Variants in CUX2 observed in about 807,000 individuals in gnomAD.
The protein encoded by CUX2 is cut like homeobox 2.
Under a neutral mutation model 144.8 loss-of-function variants are expected in CUX2, and 40 were observed. That is an observed-to-expected ratio of 0.28 (90% CI 0.21 to 0.36). The LOEUF (loss-of-function observed/expected upper bound fraction) is 0.36. Ranked by LOEUF, CUX2 falls within the 10% of genes least tolerant of loss-of-function variation. The pLI, the probability that CUX2 is intolerant of heterozygous loss-of-function variation, is 1.00. For synonymous variants in CUX2, 827 were observed against 875.6 expected (o/e 0.94, Z 0.98); for missense variants, 1,615 against 1,994.0 (o/e 0.81, Z 3.62).
At chr12:111,100,614 AGT>A (rs1403095542) in intron 1 of CUX2, among the ~76,000 whole-genome samples, 1 of 152,176 alleles carries the variant, frequency 6.6e-6, no homozygotes, top group African/African-American at 2.4e-5. Context: ...TACACCCACA[AGT>A]GTGTGAATTG....
chr12:111,279,491 T>C (rs1885021725), intron 4 of CUX2, among the ~76,000 whole-genome samples: 2 of 152,214 alleles, frequency 1.3e-5, no homozygotes, highest in Non-Finnish European at 2.9e-5. Context: ...ATTAGGTCAT[T>C]AGAGTGGCCT....
rs1888942830 is a variant in CUX2 at position 111,349,052 on chromosome 12, T to G, written c.*727T>G. 3.3e-5 allele frequency: 5 copies of G among 152,640 alleles called. No homozygotes were observed. The highest frequency in any genetic ancestry group is 3.3e-4 in the Admixed American group (5 of 15,278). The allele number at this position is 152,640 out of a possible 1,614,324, so 9.5% of individuals were successfully genotyped here. A position where few individuals can be genotyped will look rare whatever the true frequency, so the allele number is the denominator to read the frequency against. On this transcript the variant is annotated 3_prime_UTR_variant, in exon 22 of 22. Transcript: ENST00000261726. Reference sequence around the variant, plus strand: ...CAGAATGTCCGTGCCATTGTAAATGTTGTAGAGATGTGGGCCGTGGCCCAA... The same window carrying G: ...CAGAATGTCCGTGCCATTGTAAATGGTGTAGAGATGTGGGCCGTGGCCCAA...
At chr12:111,326,484 G>T (rs568580226) in intron 18 of CUX2, among the ~76,000 whole-genome samples, 1 of 151,828 alleles carries the variant, frequency 6.6e-6, no homozygotes, top group African/African-American at 2.4e-5. Context: ...ATAGTGTTGT[G>T]GTGATGGAGG....
chr12:111,343,190 A>G (rs1302872994), intron 21 of CUX2, among the ~76,000 whole-genome samples: 1 of 151,946 alleles, frequency 6.6e-6, no homozygotes, highest in Non-Finnish European at 1.5e-5. Context: ...AACCGAAAGA[A>G]AAACCCCCTG....
chr12:111,229,718 T>C (rs568138266), intron 3 of CUX2, among the ~76,000 whole-genome samples: 1 of 151,560 alleles, frequency 6.6e-6, no homozygotes, highest in South Asian at 2.1e-4. Context: ...GCTTGGTCTC[T>C]ACAAAAAAAA....
At chr12:111,116,897 G>C (rs1193136914) in intron 1 of CUX2, among the ~76,000 whole-genome samples, 2 of 152,180 alleles carry the variant, frequency 1.3e-5, no homozygotes. Flanking sequence ...TAAAGCAAGG[G>C]CACATACATT....
At chr12:111,094,847 A>G (rs900888225) in intron 1 of CUX2, among the ~76,000 whole-genome samples, 10 of 152,178 alleles carry the variant, frequency 6.6e-5, no homozygotes, top group African/African-American at 2.4e-4. Context: ...TGTTCAATGC[A>G]TGTCTGTCTT....
rs369103718 is a variant in CUX2, at chr12:111,037,516, G to A, written c.63+3276G>A. 2.6e-5 allele frequency among the ~76,000 whole-genome samples: 4 copies of A among 152,342 alleles called. No homozygotes were observed. In the East Asian group the frequency reaches 7.7e-4, roughly 29 times the overall value. On this transcript the variant is annotated intron_variant, in intron 1 of 21. Coordinates refer to ENST00000261726, the MANE Select transcript of CUX2 (RefSeq NM_015267.4). The surrounding 1 kb of genome is among the most constrained non-coding windows in gnomAD (Gnocchi z 5.4). ...TAATGACTTTGGGCCGATGGTAAAG[G>A]TGATCTGACATGTGCCACCCTACTC...
chr12:111,291,606 T>C (rs562095242), intron 5 of CUX2, 54 bp downstream of exon 5: 1 of 1,490,924 alleles, frequency 6.7e-7, no homozygotes, highest in South Asian at 1.4e-5. Context: ...GCTGCAGATC[T>C]TCAGAGCCAA....
rs1449597468 is a variant in CUX2 at position 111,035,807 on chromosome 12, T to C, written c.63+1567T>C. ...TCGGGGCACTGAGGCATGCAGTTAA[T>C]AACTGCCGAGTGCCTTGCAATTCCG... is the stretch of plus-strand genomic sequence containing the variant. On this transcript the variant is annotated intron_variant, in intron 1 of 21. Transcript: ENST00000261726. This position sits in a 1 kb window ranked among gnomAD's most constrained non-coding sequence, Gnocchi z 6.0. 6.6e-6 allele frequency among the ~76,000 whole-genome samples: 1 copy of C among 152,038 alleles called. No individual in the cohort carries two copies. Among genetic ancestry groups the C allele is most frequent in the East Asian group, 1.9e-4 (1 of 5,162 alleles).
chr12:111,076,861 A>C (rs1435976035), intron 1 of CUX2, among the ~76,000 whole-genome samples: 1 of 152,188 alleles, frequency 6.6e-6, no homozygotes, highest in East Asian at 1.9e-4. Context: ...TTAAAAAAAA[A>C]TCCTTTATTT....
chr12:111,044,040 T>C (rs1011104474), intron 1 of CUX2, among the ~76,000 whole-genome samples: 1 of 152,178 alleles, frequency 6.6e-6, no homozygotes, highest in Non-Finnish European at 1.5e-5. Flanking sequence ...GCTAACTCCA[T>C]GGTAGTCTAG....
At chr12:111,338,586 A>C (rs970784096) in intron 20 of CUX2, 112 bp downstream of exon 20, 10 of 961,228 alleles carry the variant, frequency 1.0e-5, no homozygotes, top group Non-Finnish European at 1.5e-5. Flanking sequence ...GTCTCAGCCT[A>C]CTATGGGACT....
At chr12:111,123,529 C>T (rs920423554) in intron 1 of CUX2, among the ~76,000 whole-genome samples, 9 of 150,662 alleles carry the variant, frequency 6.0e-5, no homozygotes, top group Admixed American at 4.6e-4. Context: ...ACTTTCTATA[C>T]ATTAGCTCAC....
At chr12:111,036,906 C>G in intron 1 of CUX2, among the ~76,000 whole-genome samples, 1 of 142,678 alleles carries the variant, frequency 7.0e-6, no homozygotes, top group South Asian at 2.6e-4. Context: ...CCCCCACCCC[C>G]ACCCCACCCC....
intron 21 of CUX2, among the ~76,000 whole-genome samples, chr12:111,346,242 G>T (rs528380403): frequency 1.3e-5 from 2 of 151,592 alleles, no homozygotes; most frequent in African/African-American, 4.8e-5. Context: ...TTGGGAGGCC[G>T]AGGCTGGTGG....
intron 1 of CUX2, among the ~76,000 whole-genome samples, chr12:111,127,051 T>C (rs1391113016): frequency 1.3e-5 from 2 of 152,230 alleles, no homozygotes; most frequent in Admixed American, 6.5e-5. Context: ...ATATATCTTA[T>C]GTTACCTAAT....
In CUX2 at chr12:111,160,209, A is replaced by G. The variant is rs1877666246; in HGVS notation, c.64-53991A>G. Among the ~76,000 whole-genome samples the G allele has an allele frequency of 6.6e-6, 1 of 152,230 alleles. No individual in the cohort carries two copies. The highest frequency in any genetic ancestry group is 2.1e-4 in the South Asian group (1 of 4,832). ...AGGGGGACATTTGCTAAGCATGTCA[A>G]CAAGTTGTGATAGAAGAATTACAAA... On this transcript the variant is annotated intron_variant, in intron 1 of 21. Coordinates refer to ENST00000261726, the MANE Select transcript of CUX2 (RefSeq NM_015267.4). The surrounding 1 kb of genome is among the most constrained non-coding windows in gnomAD (Gnocchi z 4.1).
chr12:111,342,063 TG>T lies in CUX2; in HGVS notation c.3659+15del. The T allele has an allele frequency of 6.2e-7, 1 of 1,605,576 alleles. No individual in the cohort carries two copies. Among genetic ancestry groups the T allele is most frequent in the East Asian group, 2.2e-5 (1 of 44,826 alleles). ...GGTTCCACAACTACAGGTGGGACTATGGGGGCGTACCCACAGGCGGGTGGCA... is the reference window on the plus strand; with the variant it reads ...GGTTCCACAACTACAGGTGGGACTATGGGGCGTACCCACAGGCGGGTGGCA... On this transcript the variant is annotated intron_variant, in intron 21 of 21. Transcript: ENST00000261726.
Sources: gnomAD v4.1 joint callset for allele counts (sites outside exome capture counted in the v4.1 genomes callset) on GRCh38, gnomAD v4.1.1 for gene constraint, Gnocchi (gnomAD v3.1) non-coding constraint, MANE v1.5 for transcripts, NCBI Gene and HGNC (gene_info 2026-07-23, HGNC 2026-07-21) for gene names.